The following HS3ST4 variants were observed in gnomAD, a reference collection of about 807,000 sequenced individuals.
HS3ST4 encodes heparan sulfate glucosamine 3-O-sulfotransferase 4.
In HS3ST4, 17 loss-of-function variants were observed where a neutral mutation model predicts 29.2. The observed-to-expected ratio is 0.58, with a 90% CI of 0.40 to 0.87. HS3ST4 has a LOEUF of 0.87. Among genes scored for constraint, HS3ST4 ranks in the 40% least tolerant of loss-of-function variants. HS3ST4 has a pLI of 0.00. For synonymous variants in HS3ST4, 314 were observed against 285.7 expected, an observed-to-expected ratio of 1.10 and a Z score of -1.00; for missense variants, 627 against 634.5, an observed-to-expected ratio of 0.99 and a Z score of 0.13.
intron 1 of HS3ST4, among the ~76,000 whole-genome samples, chr16:25,798,533 C>A (rs750330969): frequency 8.5e-5 from 13 of 152,110 alleles, no homozygotes; most frequent in African/African-American, 3.1e-4. Context: ...TGTGTACTTG[C>A]AAGTTTCATT....
intron 1 of HS3ST4, among the ~76,000 whole-genome samples, chr16:25,862,854 C>G (rs897892929): frequency 6.6e-6 from 1 of 152,238 alleles, no homozygotes. Flanking sequence ...TAATGCTACT[C>G]TTTGCTTTAC....
intron 1 of HS3ST4, among the ~76,000 whole-genome samples, chr16:25,913,861 G>A (rs1417716116): frequency 6.6e-6 from 1 of 150,688 alleles, no homozygotes; most frequent in Non-Finnish European, 1.5e-5. Flanking sequence ...GGGAGGGTGT[G>A]TGTGGGGGTG....
chr16:26,024,625 G>A (rs1270490581), intron 1 of HS3ST4, among the ~76,000 whole-genome samples: 1 of 152,014 alleles, frequency 6.6e-6, no homozygotes, highest in African/African-American at 2.4e-5. Context: ...CCAGCTACTC[G>A]GGAGGCTGAG....
intron 1 of HS3ST4, among the ~76,000 whole-genome samples, chr16:25,815,842 C>T (rs1967088376): frequency 6.6e-6 from 1 of 152,158 alleles, no homozygotes; most frequent in Non-Finnish European, 1.5e-5. Flanking sequence ...TCAGCTCCAG[C>T]CTCACGAAAC....
At chr16:25,914,103 G>A (rs1358905131) in intron 1 of HS3ST4, among the ~76,000 whole-genome samples, 2 of 149,182 alleles carry the variant, frequency 1.3e-5, no homozygotes, top group African/African-American at 5.0e-5. Context: ...GTGTGTGTAT[G>A]TGTATGTAGG....
rs559284747 is a variant in HS3ST4 at position 26,048,861 on chromosome 16, C to T, written c.735-86751C>T. On this transcript the variant is annotated intron_variant, in intron 1 of 1. Coordinates refer to ENST00000331351, the MANE Select transcript of HS3ST4 (RefSeq NM_006040.3). ...AGTAAAAAAATAACATTGAATCTCG[C>T]AGCAAGAAAGTCATTCTCTTTCCAT... Among the ~76,000 whole-genome samples, 4 of 152,158 alleles carry T rather than the reference C, an allele frequency of 2.6e-5. No homozygotes were observed. The East Asian group carries it at 5.8e-4, about 22-fold the overall frequency.
chr16:25,746,433 T>C (rs557483776), intron 1 of HS3ST4, among the ~76,000 whole-genome samples: 3 of 152,056 alleles, frequency 2.0e-5, no homozygotes. Context: ...GAGACATGAC[T>C]GAATATGAGG....
At chr16:25,968,414 G>A (rs556664896) in intron 1 of HS3ST4, among the ~76,000 whole-genome samples, 3 of 152,238 alleles carry the variant, frequency 2.0e-5, no homozygotes, top group East Asian at 1.9e-4. Flanking sequence ...GGGTTGAGCC[G>A]TGGTCGCCCC....
intron 1 of HS3ST4, among the ~76,000 whole-genome samples, chr16:25,703,442 G>T (rs1966350759): frequency 6.6e-6 from 1 of 152,178 alleles, no homozygotes; most frequent in Non-Finnish European, 1.5e-5. Context: ...TATTACCCAC[G>T]CCTTACAGGC....
At chr16:25,900,601 A>G (rs1213311537) in intron 1 of HS3ST4, among the ~76,000 whole-genome samples, 1 of 152,172 alleles carries the variant, frequency 6.6e-6, no homozygotes, top group Non-Finnish European at 1.5e-5. Context: ...GCAATACAAC[A>G]ACATTGGGAT....
intron 1 of HS3ST4, among the ~76,000 whole-genome samples, chr16:25,737,865 T>C (rs11864847): frequency 0.55 from 83,899 of 151,492 alleles, 23,713 homozygotes; most frequent in Non-Finnish European, 0.61. Flanking sequence ...GTGTCCCATT[T>C]CCTGATATTG....
chr16:25,718,361 A>T (rs1002934438), intron 1 of HS3ST4, among the ~76,000 whole-genome samples: 1 of 152,132 alleles, frequency 6.6e-6, no homozygotes, highest in African/African-American at 2.4e-5. Context: ...TTAAGGTTGG[A>T]AGTGAAAATG....
At position 25,692,762 on chromosome 16, in the gene HS3ST4, A is replaced by T. The variant is rs1388511165; in HGVS notation, c.345A>T (p.Pro115=). ...GCCACGGGGAGCCGCCCGAGCCCCC[A>T]GAGCAGCCAGCCGCCCCCGGGACCG... ...NASHGEPPEP[P]EQPAAPGTDG... is the part of the protein sequence containing the mutation. Residue 115 remains proline (P), a synonymous_variant, in exon 1 of 2, where the codon CCA becomes CCT. Coordinates refer to ENST00000331351, the MANE Select transcript of HS3ST4 (RefSeq NM_006040.3). The T allele has an allele frequency of 1.5e-6, 2 of 1,339,740 alleles. No individual in the cohort carries two copies. The highest frequency in any genetic ancestry group is 1.9e-6 in the Non-Finnish European group (2 of 1,054,246). 83.0% of individuals were successfully genotyped at this position (1,339,740 alleles called of 1,614,324 possible). A position where few individuals can be genotyped will look rare whatever the true frequency, so the allele number is the denominator to read the frequency against.
chr16:26,060,278 T>A (rs946826222), intron 1 of HS3ST4, among the ~76,000 whole-genome samples: 2 of 152,200 alleles, frequency 1.3e-5, no homozygotes, highest in African/African-American at 4.8e-5. Flanking sequence ...TGACCTATGT[T>A]GTCCTTTTAT....
In HS3ST4 at chr16:26,044,326, G is replaced by A. The variant is rs116435209; in HGVS notation, c.735-91286G>A. The stretch of plus-strand genomic sequence containing the variant: ...GAGGGAGGAGGAAAAGACGGAAGCC[G>A]TGGAGTTTTCAGCCCCACACCCCCA... On this transcript the variant is annotated intron_variant, in intron 1 of 1. Transcript: ENST00000331351. 5.4e-4 allele frequency among the ~76,000 whole-genome samples: 83 copies of A among 152,334 alleles called. No individual in the cohort carries two copies. In the South Asian group the frequency reaches 7.9e-3, roughly 14 times the overall value.
At chr16:25,956,855 A>G (rs1596625871) in intron 1 of HS3ST4, among the ~76,000 whole-genome samples, 1 of 151,930 alleles carries the variant, frequency 6.6e-6, no homozygotes, top group Non-Finnish European at 1.5e-5. Flanking sequence ...AAAATTAGCC[A>G]GGTTTGGTGG....
intron 1 of HS3ST4, among the ~76,000 whole-genome samples, chr16:26,060,281 C>A (rs930110779): frequency 6.6e-6 from 1 of 152,126 alleles, no homozygotes; most frequent in African/African-American, 2.4e-5. Context: ...CCTATGTTGT[C>A]CTTTTATTGG....
chr16:25,727,360 A>G (rs1401494048), intron 1 of HS3ST4, among the ~76,000 whole-genome samples: 1 of 152,204 alleles, frequency 6.6e-6, no homozygotes, highest in Admixed American at 6.5e-5. Context: ...CTGCTGTTGA[A>G]GAGAAAAACA....
intron 1 of HS3ST4, among the ~76,000 whole-genome samples, chr16:26,085,804 A>T (rs1000015510): frequency 4.6e-5 from 7 of 151,668 alleles, no homozygotes; most frequent in Non-Finnish European, 5.9e-5. Context: ...AGCCCAGGAG[A>T]TTGAAGCTGC....
Sources: gnomAD v4.1 joint callset for allele counts (sites outside exome capture counted in the v4.1 genomes callset) on GRCh38, gnomAD v4.1.1 for gene constraint, MANE v1.5 for transcripts, NCBI Gene and HGNC (gene_info 2026-07-23, HGNC 2026-07-21) for gene names.